NIPBL: variants seen among roughly 807,000 people sequenced by gnomAD.
The protein encoded by NIPBL is NIPBL cohesin loading factor.
Under a neutral mutation model 321.8 loss-of-function variants are expected in NIPBL, and 19 were observed. The ratio of observed to expected loss-of-function variants is 0.06; its 90% CI spans 0.04 to 0.09. The LOEUF (loss-of-function observed/expected upper bound fraction) is 0.09, where lower values mean the gene tolerates loss of function less well. Ranked by LOEUF, NIPBL falls within the 10% of genes least tolerant of loss-of-function variation. The pLI is 1.00. For missense variants in NIPBL, 2,210 were observed against 3,327.0 expected, an observed-to-expected ratio of 0.66 and a Z score of 8.26; for synonymous variants, 1,106 against 1,114.1, an observed-to-expected ratio of 0.99 and a Z score of 0.14.
chr5:36,923,809 A>G (rs1242281087), intron 1 of NIPBL, among the ~76,000 whole-genome samples: 2 of 152,186 alleles, frequency 1.3e-5, no homozygotes, highest in Non-Finnish European at 2.9e-5. Flanking sequence ...GTTCACTACT[A>G]TTTGTAGAAA....
intron 1 of NIPBL, among the ~76,000 whole-genome samples, chr5:36,882,885 TAAAA>T (rs1268446990): frequency 1.3e-5 from 2 of 149,266 alleles, no homozygotes; most frequent in African/African-American, 4.9e-5. Flanking sequence ...TCTTTTTTTT[TAAAA>T]AAAAAACCCA....
chr5:36,900,562 T>C (rs568935273), intron 1 of NIPBL, among the ~76,000 whole-genome samples: 3 of 152,218 alleles, frequency 2.0e-5, no homozygotes, highest in Non-Finnish European at 4.4e-5. Flanking sequence ...TATGCTCTCC[T>C]TAAGTTTAGT....
chr5:36,902,591 C>T (rs1352283994), intron 1 of NIPBL, among the ~76,000 whole-genome samples: 1 of 152,076 alleles, frequency 6.6e-6, no homozygotes, highest in Non-Finnish European at 1.5e-5. Flanking sequence ...TCACCTGTTC[C>T]ATTTGTCTGT....
chr5:36,999,619 G>C (rs1186894988), intron 11 of NIPBL, among the ~76,000 whole-genome samples: 1 of 152,214 alleles, frequency 6.6e-6, no homozygotes, highest in East Asian at 1.9e-4. Context: ...TGCCAGGTCT[G>C]CCTAAAGGCT....
At chr5:36,878,757 A>T (rs1220719338) in intron 1 of NIPBL, among the ~76,000 whole-genome samples, 2 of 152,204 alleles carry the variant, frequency 1.3e-5, no homozygotes, top group Non-Finnish European at 2.9e-5. Context: ...GCTGTCACGT[A>T]CTAGGCATGT....
chr5:37,005,668 A>G (rs1747345326), intron 16 of NIPBL, among the ~76,000 whole-genome samples: 2 of 152,102 alleles, frequency 1.3e-5, no homozygotes, highest in African/African-American at 4.8e-5. Context: ...ATAAGCTTTG[A>G]ATTGGAAGTA....
chr5:37,003,240 G>A, intron 15 of NIPBL, 21 bp from the exon 16 acceptor site: 2 of 1,355,714 alleles, frequency 1.5e-6, no homozygotes, highest in Non-Finnish European at 2.1e-6. Context: ...GATTGATAAA[G>A]AATTTATATT....
intron 43 of NIPBL, among the ~76,000 whole-genome samples, chr5:37,058,430 G>C (rs921270044): frequency 2.0e-5 from 3 of 152,134 alleles, no homozygotes; most frequent in Non-Finnish European, 4.4e-5. Context: ...AAAGTACAAA[G>C]AAACAGGATT....
intron 6 of NIPBL, among the ~76,000 whole-genome samples, chr5:36,968,064 C>G (rs1260383008): frequency 7.6e-6 from 1 of 131,882 alleles, no homozygotes. Context: ...CCACTGCACT[C>G]TAGCCTGGAC....
intron 10 of NIPBL, among the ~76,000 whole-genome samples, chr5:36,992,476 T>C (rs565344806): frequency 2.4e-4 from 36 of 152,276 alleles, no homozygotes; most frequent in African/African-American, 8.7e-4. Flanking sequence ...ACTTGCTGTT[T>C]ATTCATTTCT....
At chr5:36,994,956 A>T (rs1745966354) in intron 10 of NIPBL, among the ~76,000 whole-genome samples, 1 of 152,070 alleles carries the variant, frequency 6.6e-6, no homozygotes. Flanking sequence ...ATTTTAAAAG[A>T]TTTGTCATCT....
chr5:36,985,036 G>C lies in NIPBL; in HGVS notation c.1856G>C (p.Arg619Thr), dbSNP rs1744587821. 2 of 1,613,874 alleles carry C rather than the reference G, an allele frequency of 1.2e-6. No homozygotes were observed. The highest frequency in any genetic ancestry group is 1.3e-5 in the African/African-American group (1 of 75,016). The change falls in exon 10 of 47, where the codon AGA (arginine) becomes ACA (threonine). Residue 619 changes from arginine to threonine, a missense_variant. By Grantham distance (71) the Arg-to-Thr change is moderately conservative. This residue lies in a region of NIPBL where 588 missense variants were observed against 564.1 expected (regional missense o/e 1.04). Transcript: ENST00000282516. ...SKSEMKQSES[R>T]LAESKPNENR... ...AGTGAAATGAAACAAAGTGAAAGTA[G>C]ATTAGCAGAATCTAAACCAAATGAA...
chr5:37,051,507 GA>G (rs1753541486), intron 40 of NIPBL: 2 of 484,884 alleles, frequency 4.1e-6, no homozygotes, highest in Admixed American at 3.6e-5. Context: ...TTCTTAGTGT[GA>G]GAATGCTTTA....
intron 1 of NIPBL, among the ~76,000 whole-genome samples, chr5:36,918,335 T>C (rs1748640218): frequency 1.3e-5 from 2 of 152,122 alleles, no homozygotes; most frequent in South Asian, 2.1e-4. Flanking sequence ...TGTCTGTTAT[T>C]GGTGTTTAAG....
chr5:36,880,628 G>A (rs1248705549), intron 1 of NIPBL, among the ~76,000 whole-genome samples: 3 of 152,000 alleles, frequency 2.0e-5, no homozygotes, highest in African/African-American at 7.2e-5. Context: ...AGTTGAACAT[G>A]CTTATTTTAA....
intron 10 of NIPBL, among the ~76,000 whole-genome samples, chr5:36,988,713 G>A (rs946225963): frequency 2.0e-5 from 3 of 152,036 alleles, no homozygotes; most frequent in South Asian, 4.1e-4. Flanking sequence ...CTGAGTAAAG[G>A]AGTTAGTCTG....
intron 1 of NIPBL, among the ~76,000 whole-genome samples, chr5:36,914,738 C>T (rs964175186): frequency 6.6e-6 from 1 of 152,104 alleles, no homozygotes; most frequent in Non-Finnish European, 1.5e-5. Flanking sequence ...CAGTGGCTTT[C>T]CTCTTATATA....
intron 1 of NIPBL, among the ~76,000 whole-genome samples, chr5:36,897,893 A>C (rs1746886752): frequency 6.6e-6 from 1 of 151,720 alleles, no homozygotes; most frequent in Non-Finnish European, 1.5e-5. Flanking sequence ...ACAGGGAAAA[A>C]AAAAAAAAAA....
At chr5:36,939,318 C>T (rs1738806610) in intron 1 of NIPBL, among the ~76,000 whole-genome samples, 1 of 152,092 alleles carries the variant, frequency 6.6e-6, no homozygotes, top group African/African-American at 2.4e-5. Flanking sequence ...GAGTTTTCAG[C>T]CCCTGGCAAC....
Sources: allele counts gnomAD v4.1 joint callset (sites outside exome capture counted in the v4.1 genomes callset), GRCh38; gene constraint gnomAD v4.1.1; regional missense constraint gnomAD v4.1.1; transcripts MANE v1.5; gene names NCBI Gene and HGNC (gene_info 2026-07-23, HGNC 2026-07-21).